Variants in APC observed in about 807,000 individuals in gnomAD.
The protein encoded by APC is adenomatous polyposis coli protein.
APC carries 72 observed loss-of-function variants against 247.0 expected under a neutral mutation model. The observed-to-expected ratio is 0.29, with a 90% CI of 0.24 to 0.35. APC has a LOEUF of 0.35. APC is among the 10% of genes least tolerant of loss of function. APC has a pLI of 1.00. For synonymous variants in APC, 1,254 were observed against 1,162.5 expected (o/e 1.08, Z -1.60); for missense variants, 3,400 against 3,360.7 (o/e 1.01, Z -0.29).
In APC at chr5:112,838,416, A is replaced by G. The variant is rs2149878191; in HGVS notation, c.2822A>G (p.Glu941Gly). Residue 941 changes from glutamate to glycine, a missense_variant, in exon 16 of 16, where the codon GAA (glutamate) becomes GGA (glycine). Coordinates refer to ENST00000257430, the MANE Select transcript of APC (RefSeq NM_000038.6). ...HSNTYNFTKS[E>G]NSNRTCSMPY... ...AACACTTACAATTTCACTAAGTCGG[A>G]AAATTCAAATAGGACATGTTCTATG... is the stretch of plus-strand genomic sequence containing the variant. 1.9e-6 allele frequency: 3 copies of G among 1,614,236 alleles called. No homozygotes were observed. The highest frequency in any genetic ancestry group is 2.5e-6 in the Non-Finnish European group (3 of 1,180,036).
At chr5:112,827,466 T>G (rs1763820584) in intron 12 of APC, among the ~76,000 whole-genome samples, 3 of 152,250 alleles carry the variant, frequency 2.0e-5, no homozygotes, top group Admixed American at 1.3e-4. Flanking sequence ...GTAGTGAATT[T>G]ATGTAATTGC....
chr5:112,779,625 C>G (rs913477684), intron 5 of APC, among the ~76,000 whole-genome samples: 7 of 151,956 alleles, frequency 4.6e-5, no homozygotes, highest in African/African-American at 1.7e-4. Context: ...CTGAAAACAT[C>G]AGATCTAAAC....
At chr5:112,712,987 A>G (rs951410173) in intron 1 of APC, among the ~76,000 whole-genome samples, 10 of 152,100 alleles carry the variant, frequency 6.6e-5, no homozygotes, top group African/African-American at 2.2e-4. Context: ...CCTGGCTAAC[A>G]TAGTGAAACC....
At chr5:112,815,792 C>T (rs565020175) in intron 9 of APC, among the ~76,000 whole-genome samples, 199 bp downstream of exon 9, 1 of 152,224 alleles carries the variant, frequency 6.6e-6, no homozygotes, top group Admixed American at 6.5e-5. Flanking sequence ...AAAAATTTAG[C>T]CAGTGTGGTG....
intron 1 of APC, among the ~76,000 whole-genome samples, chr5:112,718,953 A>G (rs1172250212): frequency 2.0e-5 from 3 of 152,214 alleles, no homozygotes; most frequent in Admixed American, 6.5e-5. Flanking sequence ...CTTTAAAGTT[A>G]GGTTAGTTCC....
chr5:112,754,806 T>C, intron 1 of APC, 67 bp from the exon 2 acceptor site: 1 of 1,503,176 alleles, frequency 6.7e-7, no homozygotes. Flanking sequence ...CTTTACCCCT[T>C]TCTTTAAAAA....
intron 1 of APC, among the ~76,000 whole-genome samples, chr5:112,739,179 T>C (rs1026085340): frequency 1.3e-5 from 2 of 152,216 alleles, no homozygotes; most frequent in African/African-American, 4.8e-5. Context: ...TCTAGATGTA[T>C]TTCTGTTTAG....
chr5:112,815,815 G>A (rs1316880029), intron 9 of APC, among the ~76,000 whole-genome samples: 2 of 152,048 alleles, frequency 1.3e-5, no homozygotes, highest in Non-Finnish European at 2.9e-5. Flanking sequence ...ACACACCTGT[G>A]GTCCCAGCTA....
intron 1 of APC, among the ~76,000 whole-genome samples, chr5:112,714,714 C>A (rs144200436): frequency 6.6e-6 from 1 of 152,160 alleles, no homozygotes; most frequent in African/African-American, 2.4e-5. Context: ...CTGAAACTTT[C>A]CCTAAACATC....
Position 112,796,090 on chromosome 5 carries a change from A to G in APC, c.729+3561A>G, listed in dbSNP as rs2464803. On this transcript the variant is annotated intron_variant, in intron 7 of 15. Transcript: ENST00000257430. ...CAGTCATATGTACCCAGAAACCCAAATGAACAAAAAATAAAGATAACCTTT... is the reference window on the plus strand; with the variant it reads ...CAGTCATATGTACCCAGAAACCCAAGTGAACAAAAAATAAAGATAACCTTT... Among the ~76,000 whole-genome samples, 63,757 of 152,080 alleles carry G rather than the reference A, an allele frequency of 0.42. 16,098 individuals carry two copies. Among genetic ancestry groups the G allele is most frequent in the East Asian group, 0.69 (3,546 of 5,164 alleles).
chr5:112,810,372 C>T lies in APC; in HGVS notation c.835-5123C>T, dbSNP rs75781702. 4.3e-6 allele frequency: 1 copy of T among 232,024 alleles called. No individual in the cohort carries two copies. The allele number at this position is 232,024 out of a possible 1,614,324, so 14.4% of individuals were successfully genotyped here. On this transcript the variant is annotated intron_variant, in intron 8 of 15. Transcript: ENST00000257430. ...AAATTTTGTCTGTTGGCTATTTTTT[C>T]TATAAAGTAGAAGGTAAAGTTATAT...
intron 1 of APC, among the ~76,000 whole-genome samples, chr5:112,741,790 C>T (rs1405839540): frequency 6.6e-6 from 1 of 152,090 alleles, no homozygotes; most frequent in Non-Finnish European, 1.5e-5. Context: ...TTCCCCTCCC[C>T]CCAACCCTTG....
rs1333448957 is a variant in APC at position 112,844,504 on chromosome 5, T to TA, written c.*379dup. ...TTCTAGATTATAAACTGACTAAACT[T>TA]ACATCAGGGAAAAATTGGTATTTAT... is the stretch of plus-strand genomic sequence containing the variant. On this transcript the variant is annotated 3_prime_UTR_variant, in exon 16 of 16. Transcript: ENST00000257430. The TA allele has an allele frequency of 1.7e-5, 4 of 239,946 alleles. No homozygotes were observed. The highest frequency in any genetic ancestry group is 1.6e-5 in the Non-Finnish European group (2 of 124,322). 14.9% of individuals were successfully genotyped at this position (239,946 alleles called of 1,614,324 possible). A position where few individuals can be genotyped will look rare whatever the true frequency, so the allele number is the denominator to read the frequency against.
chr5:112,808,794 A>G (rs1761688162), intron 8 of APC, among the ~76,000 whole-genome samples: 1 of 152,116 alleles, frequency 6.6e-6, no homozygotes, highest in South Asian at 2.1e-4. Context: ...TTTCTTTATC[A>G]TCTGTATGTC....
In APC at chr5:112,775,746, C is replaced by T; in HGVS notation, c.531+9C>T. 7.0e-7 allele frequency: 1 copy of T among 1,422,374 alleles called. No homozygotes were observed. Among genetic ancestry groups the T allele is most frequent in the Non-Finnish European group, 9.8e-7 (1 of 1,021,382 alleles). 88.1% of individuals were successfully genotyped at this position (1,422,374 alleles called of 1,614,324 possible). On this transcript the variant is annotated intron_variant, in intron 5 of 15. Transcript: ENST00000257430. ...TTCCTTTAACTGAAAATGTAAGTAA[C>T]TTGGCAGTACAACTTATTTGAAACT...
chr5:112,767,309 C>G lies in APC; in HGVS notation c.341C>G (p.Pro114Arg), dbSNP rs200117298. 1 of 1,614,106 alleles carries G rather than the reference C, an allele frequency of 6.2e-7. No individual in the cohort carries two copies. Among genetic ancestry groups the G allele is most frequent in the Non-Finnish European group, 8.5e-7 (1 of 1,180,010 alleles). The change falls in exon 4 of 16, where the codon CCT becomes CGT. Residue 114 changes from proline (P) to arginine (R), a missense_variant. Pro to Arg is a moderately radical substitution (Grantham distance 103, BLOSUM62 -2). Coordinates refer to ENST00000257430, the MANE Select transcript of APC (RefSeq NM_000038.6). ...SSRSGECSPV[P>R]MGSFPRRGFV... is the part of the protein sequence containing the mutation. The stretch of plus-strand genomic sequence containing the variant: ...CGTTCTGGAGAGTGCAGTCCTGTTC[C>G]TATGGGTTCATTTCCAAGAAGAGGG...
At position 112,835,175 on chromosome 5, in the gene APC, G is replaced by T. The variant is rs375175370; in HGVS notation, c.1958+10G>T. On this transcript the variant is annotated intron_variant, in intron 15 of 15. Coordinates refer to ENST00000257430, the MANE Select transcript of APC (RefSeq NM_000038.6). ...CAAATGAGGACCACAGGTATATATA[G>T]AGTTTTATATTACTTTTAAAGTACA... 1.8e-4 allele frequency: 281 copies of T among 1,602,012 alleles called. No individual in the cohort carries two copies. The highest frequency in any genetic ancestry group is 1.9e-4 in the Non-Finnish European group (226 of 1,171,182).
rs762391822 is a variant in APC at position 112,839,369 on chromosome 5, A to G, written c.3775A>G (p.Ile1259Val). Residue 1259 changes from isoleucine (I) to valine (V), a missense_variant, in exon 16 of 16, where the codon ATA (isoleucine) becomes GTA (valine). This residue lies in a region of APC where 715 missense variants were observed against 656.6 expected (regional missense o/e 1.09). Coordinates refer to ENST00000257430, the MANE Select transcript of APC (RefSeq NM_000038.6). The surrounding 1 kb of genome is among the most constrained non-coding windows in gnomAD (Gnocchi z 5.0). ...AGTTTCTTCTATTAACCAAGAAACA[A>G]TACAGACTTATTGTGTAGAAGATAC... is the stretch of plus-strand genomic sequence containing the variant. Reference protein sequence around the residue: ...CKVSSINQETIQTYCVEDTPI... With the variant: ...CKVSSINQETVQTYCVEDTPI... 3.7e-6 allele frequency: 6 copies of G among 1,613,766 alleles called. No homozygotes were observed. The highest frequency in any genetic ancestry group is 1.6e-4 in the Middle Eastern group (1 of 6,084).
At chr5:112,789,996 A>G (rs184437317) in intron 6 of APC, among the ~76,000 whole-genome samples, 55 of 152,040 alleles carry the variant, frequency 3.6e-4, no homozygotes, top group African/African-American at 1.2e-3. Flanking sequence ...AGTCACTGGG[A>G]CTACAGGCGT....
Sources: gnomAD v4.1 joint callset for allele counts (sites outside exome capture counted in the v4.1 genomes callset) on GRCh38, gnomAD v4.1.1 for gene constraint, gnomAD v4.1.1 regional missense constraint, Gnocchi (gnomAD v3.1) non-coding constraint, MANE v1.5 for transcripts, NCBI Gene and HGNC (gene_info 2026-07-23, HGNC 2026-07-21) for gene names.